CCDC149: variants seen among roughly 807,000 people sequenced by gnomAD.
The protein encoded by CCDC149 is coiled-coil domain containing 149.
CCDC149 carries 45 observed loss-of-function variants against 59.9 expected under a neutral mutation model. That is an observed-to-expected ratio of 0.75 (90% CI 0.59 to 0.96). The LOEUF (loss-of-function observed/expected upper bound fraction) is 0.96. CCDC149 is among the 40% of genes least tolerant of loss of function. CCDC149 has a pLI of 0.00. For missense variants in CCDC149, 584 were observed against 664.7 expected (o/e 0.88, Z 1.33); for synonymous variants, 245 against 260.6 (o/e 0.94, Z 0.58).
intron 1 of CCDC149, among the ~76,000 whole-genome samples, chr4:24,964,031 C>T (rs969761124): frequency 9.2e-5 from 14 of 151,796 alleles, no homozygotes; most frequent in African/African-American, 2.4e-4. Context: ...TCTATCTCTA[C>T]GAAAAATTTT....
At position 24,808,955 on chromosome 4, in the gene CCDC149, C is replaced by T. The variant is rs541658614; in HGVS notation, c.1193-136G>A. The T allele has an allele frequency of 2.8e-3, 2,186 of 770,054 alleles. 12 individuals are homozygous for T. The highest frequency in any genetic ancestry group is 2.4e-3 in the Non-Finnish European group (1,155 of 490,804). The allele number at this position is 770,054 out of a possible 1,614,324, so 47.7% of individuals were successfully genotyped here. ...AGCAAGACTTTTTTGGCTCCCTGTG[C>T]AGGGCAATGGAGCCAAAGGGGAACA... On this transcript the variant is annotated intron_variant, in intron 12 of 12. Coordinates refer to ENST00000635206, the MANE Select transcript of CCDC149 (RefSeq NM_001330643.2).
intron 2 of CCDC149, among the ~76,000 whole-genome samples, chr4:24,874,463 T>C (rs540012839): frequency 5.7e-4 from 86 of 151,950 alleles, no homozygotes; most frequent in African/African-American, 2.1e-3. Context: ...GTGCCTGTAA[T>C]CCCAGCTACT....
Position 24,978,445 on chromosome 4 carries a change from G to A in CCDC149, c.-65+1624C>T, listed in dbSNP as rs558674037. 9.2e-5 allele frequency among the ~76,000 whole-genome samples: 14 copies of A among 152,236 alleles called. 1 individual carries two copies. Among genetic ancestry groups the A allele is most frequent in the African/African-American group, 3.4e-4 (14 of 41,548 alleles). On this transcript the variant is annotated intron_variant, in intron 1 of 12. Transcript: ENST00000389609. ...CACCAGGAAATTGTAAGTTGCATGT[G>A]GTGGTTTGCATATGTGGTTCACATT... is the stretch of plus-strand genomic sequence containing the variant.
At chr4:24,946,142 G>A (rs559903894) in intron 1 of CCDC149, among the ~76,000 whole-genome samples, 2 of 152,286 alleles carry the variant, frequency 1.3e-5, no homozygotes, top group African/African-American at 4.8e-5. Context: ...GGGACTTTAG[G>A]TTGTTAGCAA....
intron 1 of CCDC149, among the ~76,000 whole-genome samples, chr4:24,979,891 C>A (rs935324148): frequency 2.6e-5 from 4 of 152,120 alleles, no homozygotes; most frequent in African/African-American, 9.7e-5. Flanking sequence ...TGAATCCACC[C>A]GAGAATCTTG....
chr4:24,968,692 T>C (rs969505601), intron 1 of CCDC149, among the ~76,000 whole-genome samples: 1 of 152,222 alleles, frequency 6.6e-6, no homozygotes, highest in Admixed American at 6.5e-5. Context: ...ACTAACACCA[T>C]ACGGTTTGAA....
chr4:24,977,094 T>C (rs904564822), intron 1 of CCDC149, among the ~76,000 whole-genome samples: 1 of 152,188 alleles, frequency 6.6e-6, no homozygotes, highest in African/African-American at 2.4e-5. Context: ...TCCCCTTTCT[T>C]TGGGGGACCA....
chr4:24,849,428 G>T (rs985915260), intron 4 of CCDC149, among the ~76,000 whole-genome samples: 5 of 152,112 alleles, frequency 3.3e-5, no homozygotes, highest in Admixed American at 1.3e-4. Flanking sequence ...GTGTTAGTTT[G>T]GGAGCCTAAG....
intron 3 of CCDC149, among the ~76,000 whole-genome samples, chr4:24,861,492 G>A (rs1277019265): frequency 7.2e-5 from 11 of 152,096 alleles, no homozygotes; most frequent in African/African-American, 1.4e-4. Context: ...AGGGAAGGGC[G>A]GGATGCAGGT....
chr4:24,844,574 G>C (rs1447306962), intron 4 of CCDC149, among the ~76,000 whole-genome samples: 1 of 151,988 alleles, frequency 6.6e-6, no homozygotes, highest in Non-Finnish European at 1.5e-5. Context: ...GGAGTTCGAG[G>C]ACAGCCTGGT....
At chr4:24,896,565 A>G (rs59858282) in intron 1 of CCDC149, among the ~76,000 whole-genome samples, 1 of 151,714 alleles carries the variant, frequency 6.6e-6, no homozygotes, top group African/African-American at 2.4e-5. Context: ...CATTACAGAA[A>G]GTAGCTCTTT....
intron 1 of CCDC149, among the ~76,000 whole-genome samples, chr4:24,974,834 G>A (rs1271302981): frequency 1.3e-5 from 2 of 151,864 alleles, no homozygotes; most frequent in Admixed American, 1.3e-4. Context: ...GGAAAAAGGT[G>A]AGCAGAAGAG....
chr4:24,914,431 G>A (rs1042195734), upstream of CCDC149, among the ~76,000 whole-genome samples: 1 of 150,780 alleles, frequency 6.6e-6, no homozygotes, highest in Non-Finnish European at 1.5e-5. Context: ...TAAAGCAATT[G>A]TGCATTAGGA....
intron 12 of CCDC149, among the ~76,000 whole-genome samples, chr4:24,814,101 G>A (rs1714850697): frequency 6.6e-6 from 1 of 152,188 alleles, no homozygotes. Flanking sequence ...TCCAGGGACA[G>A]AATTTTGACC....
chr4:24,960,062 A>G (rs61791865), intron 1 of CCDC149, among the ~76,000 whole-genome samples: 15 of 152,328 alleles, frequency 9.8e-5, no homozygotes, highest in Non-Finnish European at 1.6e-4. Flanking sequence ...AATAATCACA[A>G]TGAATTGTGG....
At chr4:24,967,765 G>A (rs1366547341) in intron 1 of CCDC149, among the ~76,000 whole-genome samples, 2 of 151,760 alleles carry the variant, frequency 1.3e-5, no homozygotes, top group Admixed American at 6.6e-5. Context: ...TAGAAGTGGC[G>A]GCGCCCCTCT....
intron 1 of CCDC149, among the ~76,000 whole-genome samples, chr4:24,909,750 G>A (rs1334323710): frequency 6.6e-6 from 1 of 152,144 alleles, no homozygotes; most frequent in Admixed American, 6.5e-5. Context: ...GTTTTATAAA[G>A]AGGAGTTCTC....
Position 24,821,075 on chromosome 4 carries a change from T to C in CCDC149, c.1055A>G (p.Asn352Ser), listed in dbSNP as rs902013274. The C allele has an allele frequency of 2.2e-5, 27 of 1,231,300 alleles. No individual in the cohort carries two copies. Among genetic ancestry groups the C allele is most frequent in the East Asian group, 6.3e-5 (2 of 31,680 alleles). The allele number at this position is 1,231,300 out of a possible 1,614,324, so 76.3% of individuals were successfully genotyped here. A position where few individuals can be genotyped will look rare whatever the true frequency, so the allele number is the denominator to read the frequency against. The change falls in exon 11 of 13, where the codon AAT (asparagine) becomes AGT (serine). Residue 352 changes from asparagine (N) to serine (S), a missense_variant. Transcript: ENST00000635206. ...CATACTCCCAAATCCTACTGAAACA[T>C]TGTAGCTCAGGCCTTCAGGCAGCAA...
intron 9 of CCDC149, 168 bp from the exon 10 acceptor site, chr4:24,822,741 T>C (rs191982002): frequency 1.1e-4 from 51 of 451,622 alleles, no homozygotes; most frequent in African/African-American, 8.6e-4. Context: ...CTATTGAAAG[T>C]GCATATACAA....
Sources: allele counts gnomAD v4.1 joint callset (sites outside exome capture counted in the v4.1 genomes callset), GRCh38; gene constraint gnomAD v4.1.1; transcripts MANE v1.5; gene names NCBI Gene and HGNC (gene_info 2026-07-23, HGNC 2026-07-21).